Variants in TECPR2 observed in about 807,000 individuals in gnomAD.
The protein encoded by TECPR2 is tectonin beta-propeller repeat-containing protein 2.
A neutral mutation model predicts 138.1 loss-of-function variants in TECPR2; 65 were observed. The ratio of observed to expected loss-of-function variants is 0.47; its 90% CI spans 0.39 to 0.58. TECPR2 has a LOEUF of 0.58. TECPR2 is among the 20% of genes least tolerant of loss of function. The pLI is 0.00. For synonymous variants in TECPR2, 746 were observed against 749.8 expected (o/e 0.99, Z 0.08); for missense variants, 1,553 against 1,824.5 (o/e 0.85, Z 2.71).
Position 102,407,342 on chromosome 14 carries a change from A to C in TECPR2, c.224A>C (p.Lys75Thr). ...TTGTTTTCAACGTTTCCCCAGGGGAAGACGGAATCTATCACTGTGGTGAAG... is the reference window on the plus strand; with the variant it reads ...TTGTTTTCAACGTTTCCCCAGGGGACGACGGAATCTATCACTGTGGTGAAG... The part of the protein sequence containing the change: ...NQMRKYNFEG[K>T]TESITVVKLL... The change falls in exon 3 of 20, where the codon AAG becomes ACG. Residue 75 changes from lysine to threonine, a missense_variant. Transcript: ENST00000359520. The C allele has an allele frequency of 6.2e-7, 1 of 1,601,954 alleles. No individual in the cohort carries two copies. The highest frequency in any genetic ancestry group is 1.1e-5 in the South Asian group (1 of 88,704).
At chr14:102,392,306 T>C (rs184988791) in intron 2 of TECPR2, among the ~76,000 whole-genome samples, 75 of 152,312 alleles carry the variant, frequency 4.9e-4, no homozygotes, top group African/African-American at 1.6e-3. Context: ...AACCCACTTA[T>C]GTGTAGCTTG....
At chr14:102,456,590 C>CTT (rs532308547) in intron 16 of TECPR2, among the ~76,000 whole-genome samples, 18 of 138,172 alleles carry the variant, frequency 1.3e-4, no homozygotes, top group African/African-American at 3.2e-4. Flanking sequence ...CCCTCTCGCT[C>CTT]TTTTTTTTTT....
intron 17 of TECPR2, among the ~76,000 whole-genome samples, chr14:102,487,035 GAC>G (rs1459220227): frequency 6.6e-6 from 1 of 152,216 alleles, no homozygotes; most frequent in African/African-American, 2.4e-5. Context: ...TAGACGGACA[GAC>G]ACACAGCAGC....
chr14:102,493,271 C>G (rs137912073), intron 17 of TECPR2, among the ~76,000 whole-genome samples: 13 of 152,334 alleles, frequency 8.5e-5, no homozygotes, highest in Admixed American at 2.6e-4. Flanking sequence ...CGTCGGGGCC[C>G]TGGCCAGTGG....
intron 10 of TECPR2, among the ~76,000 whole-genome samples, chr14:102,438,863 C>CTTTTTTTT (rs1238082552): frequency 7.8e-6 from 1 of 128,654 alleles, no homozygotes. Flanking sequence ...TTCTTTCTTT[C>CTTTTTTTT]TTTTTTTTTT....
chr14:102,460,143 C>T (rs891915796), intron 16 of TECPR2, among the ~76,000 whole-genome samples: 2 of 151,450 alleles, frequency 1.3e-5, no homozygotes, highest in Non-Finnish European at 2.9e-5. Context: ...TGGTGGTGGG[C>T]GCTGTAGTCT....
In TECPR2 at chr14:102,438,101, G is replaced by A. The variant is rs754730418; in HGVS notation, c.2474G>A (p.Cys825Tyr). ...GTGGTCTCCGAGAAGTATATCTGGTGCCTGGACTACAAAGGCGGCCTGTTC... is the reference window on the plus strand; with the variant it reads ...GTGGTCTCCGAGAAGTATATCTGGTACCTGGACTACAAAGGCGGCCTGTTC... Reference protein sequence around the residue: ...SLVVSEKYIWCLDYKGGLFCS... With the variant: ...SLVVSEKYIWYLDYKGGLFCS... The change falls in exon 10 of 20, where the codon TGC (cysteine) becomes TAC (tyrosine). Residue 825 changes from cysteine (C) to tyrosine (Y), a missense_variant. Physicochemically the swap from Cys to Tyr is radical, Grantham distance 194. Coordinates refer to ENST00000359520, the MANE Select transcript of TECPR2 (RefSeq NM_014844.5). 6.2e-7 allele frequency: 1 copy of A among 1,614,144 alleles called. No individual in the cohort carries two copies. Among genetic ancestry groups the A allele is most frequent in the East Asian group, 2.2e-5 (1 of 44,886 alleles).
Position 102,376,853 on chromosome 14 carries a change from C to G in TECPR2, c.132C>G (p.Asn44Lys), listed in dbSNP as rs146316866. The stretch of plus-strand genomic sequence containing the variant: ...TCTATCTCACGGCCCTCGACACCAA[C>G]GGGGACTACATCGCGGTGGGCAGCA... ...IVVYLTALDT[N>K]GDYIAVGSSI... Residue 44 changes from asparagine to lysine, a missense_variant, in exon 2 of 20, where the codon AAC becomes AAG. Asn to Lys is a moderately conservative substitution (Grantham distance 94). Transcript: ENST00000359520. 1.9e-6 allele frequency: 3 copies of G among 1,614,040 alleles called. No individual in the cohort carries two copies. In the African/African-American group the frequency reaches 4.0e-5, roughly 22 times the overall value.
At chr14:102,363,141 G>GCCGCGACGC in intron 1 of TECPR2, 25 bp downstream of exon 1, 1 of 361,864 alleles carries the variant, frequency 2.8e-6, no homozygotes, top group South Asian at 1.0e-4. Flanking sequence ...GCCGCAAGCG[G>GCCGCGACGC]CCCCGACGCC....
chr14:102,468,002 A>ATT (rs34886429), intron 17 of TECPR2, among the ~76,000 whole-genome samples: 110 of 143,940 alleles, frequency 7.6e-4, no homozygotes, highest in Admixed American at 1.5e-3. Context: ...ACGCCTGGCT[A>ATT]TTTTTTTTTT....
intron 2 of TECPR2, among the ~76,000 whole-genome samples, chr14:102,391,354 C>G (rs1468801475): frequency 2.0e-5 from 3 of 152,182 alleles, no homozygotes; most frequent in Non-Finnish European, 4.4e-5. Flanking sequence ...GCCACTGTGC[C>G]AGGCCTAAAA....
Position 102,438,030 on chromosome 14 carries a change from A to G in TECPR2, c.2403A>G (p.Glu801=), listed in dbSNP as rs747125574. 8 of 1,613,538 alleles carry G rather than the reference A, an allele frequency of 5.0e-6. No homozygotes were observed. Among genetic ancestry groups the G allele is most frequent in the Non-Finnish European group, 1.7e-6 (2 of 1,179,796 alleles). The change falls in exon 10 of 20, where the codon GAA becomes GAG. Residue 801 remains glutamate, a synonymous_variant. Transcript: ENST00000359520. ...AGLLKPDQFA[E]SWMGYSGPGY... ...GGCTCTTCCCTTGTTAGTTTGCAGA[A>G]AGCTGGATGGGCTACTCGGGTCCCG... is the stretch of plus-strand genomic sequence containing the variant.
In TECPR2 at chr14:102,445,814, A is replaced by G; in HGVS notation, c.2942A>G (p.Gln981Arg). 1.2e-6 allele frequency: 2 copies of G among 1,613,644 alleles called. No individual in the cohort carries two copies. Among genetic ancestry groups the G allele is most frequent in the Non-Finnish European group, 1.7e-6 (2 of 1,179,806 alleles). ...QWKCDIVSERQALEPVCITLG... is the reference protein window; with the variant it reads ...QWKCDIVSERRALEPVCITLG... ...CTCCTCCTTATTTTCAGCGAAAGGCAAGCTTTAGAACCCGTCTGCATAACG... is the reference window on the plus strand; with the variant it reads ...CTCCTCCTTATTTTCAGCGAAAGGCGAGCTTTAGAACCCGTCTGCATAACG... The change falls in exon 13 of 20, where the codon CAA (glutamine) becomes CGA (arginine). Residue 981 changes from glutamine (Q) to arginine (R), a missense_variant. Coordinates refer to ENST00000359520, the MANE Select transcript of TECPR2 (RefSeq NM_014844.5).
rs1891383623 is a variant in TECPR2, at chr14:102,499,331, A to T, written c.*1074A>T. ...TACTAATTATTGCCTTTGTTGTTGTATTACAAATCTGCATAAAATACCTCA... is the reference window on the plus strand; with the variant it reads ...TACTAATTATTGCCTTTGTTGTTGTTTTACAAATCTGCATAAAATACCTCA... On this transcript the variant is annotated 3_prime_UTR_variant, in exon 20 of 20. Coordinates refer to ENST00000359520, the MANE Select transcript of TECPR2 (RefSeq NM_014844.5). The T allele has an allele frequency of 1.7e-6, 1 of 604,014 alleles. No individual in the cohort carries two copies. The highest frequency in any genetic ancestry group is 3.0e-6 in the Non-Finnish European group (1 of 335,894). 37.4% of individuals were successfully genotyped at this position (604,014 alleles called of 1,614,324 possible). A position where few individuals can be genotyped will look rare whatever the true frequency, so the allele number is the denominator to read the frequency against.
rs557953895 is a variant in TECPR2, at chr14:102,387,652, G to A, written c.219+10712G>A. On this transcript the variant is annotated intron_variant, in intron 2 of 19. Coordinates refer to ENST00000359520, the MANE Select transcript of TECPR2 (RefSeq NM_014844.5). ...CATCATTCTCCTGCCTCAGACTCCC[G>A]AGTAGCTGGGACCACAGGTGCCTGC... 4.8e-4 allele frequency among the ~76,000 whole-genome samples: 72 copies of A among 151,564 alleles called. No homozygotes were observed. In the East Asian group the frequency reaches 0.011, roughly 24 times the overall value.
At chr14:102,373,123 A>G (rs1444289924) in intron 1 of TECPR2, among the ~76,000 whole-genome samples, 3 of 152,038 alleles carry the variant, frequency 2.0e-5, no homozygotes, top group African/African-American at 2.4e-5. Flanking sequence ...GGTAACATTC[A>G]TGTCTAATGT....
In TECPR2 at chr14:102,388,854, G is replaced by A. The variant is rs1353014840; in HGVS notation, c.219+11914G>A. On this transcript the variant is annotated intron_variant, in intron 2 of 19. Transcript: ENST00000359520. Reference sequence around the variant, plus strand: ...CAGGCACCTGTAGTCCCAGCTACTCGGGAGGCTGAGGCAGGAGAATGGCGT... The same window carrying A: ...CAGGCACCTGTAGTCCCAGCTACTCAGGAGGCTGAGGCAGGAGAATGGCGT... Among the ~76,000 whole-genome samples, 37 of 151,794 alleles carry A rather than the reference G, an allele frequency of 2.4e-4. No individual in the cohort carries two copies. The East Asian group carries it at 4.3e-3, about 17-fold the overall frequency.
At chr14:102,396,073 A>G (rs893010641) in intron 2 of TECPR2, among the ~76,000 whole-genome samples, 38 of 150,942 alleles carry the variant, frequency 2.5e-4, no homozygotes, top group African/African-American at 9.0e-4. Flanking sequence ...TGTTGGGGGA[A>G]ATACCTTTCT....
chr14:102,467,840 T>A (rs1364227095), intron 17 of TECPR2, among the ~76,000 whole-genome samples: 7 of 151,302 alleles, frequency 4.6e-5, no homozygotes, highest in African/African-American at 1.7e-4. Flanking sequence ...TGTTCCTTTT[T>A]TCTTTTTTTT....
Sources: gnomAD v4.1 joint callset for allele counts (sites outside exome capture counted in the v4.1 genomes callset) on GRCh38, gnomAD v4.1.1 for gene constraint, MANE v1.5 for transcripts, NCBI Gene and HGNC (gene_info 2026-07-23, HGNC 2026-07-21) for gene names.